The following UBR4 variants were observed in gnomAD, a reference collection of about 807,000 sequenced individuals.
The protein encoded by UBR4 is ubiquitin protein ligase E3 component n-recognin 4.
Under a neutral mutation model 575.6 loss-of-function variants are expected in UBR4, and 124 were observed. The observed-to-expected ratio is 0.22, with a 90% confidence interval of 0.19 to 0.25. UBR4 has a LOEUF of 0.25. Ranked by LOEUF, UBR4 falls within the 10% of genes least tolerant of loss-of-function variation. The pLI is 1.00. For synonymous variants in UBR4, 2,455 were observed against 2,473.7 expected (o/e 0.99, Z 0.22); for missense variants, 4,818 against 6,478.8 (o/e 0.74, Z 8.80).
At chr1:19,151,990 ACTTC>A (rs942181768) in intron 47 of UBR4, 131 bp from the exon 48 acceptor site, 6 of 899,340 alleles carry the variant, frequency 6.7e-6, no homozygotes, top group Non-Finnish European at 9.8e-6. Flanking sequence ...CCTGGTAATG[ACTTC>A]CTTGTTTCTA....
At position 19,110,299 on chromosome 1, in the gene UBR4, A is replaced by G; in HGVS notation, c.11978-76T>C. ...GCTCTGCAGAGGCCGCCCAAGCATC[A>G]GTTTCCCTCCTCCCCTCCCAGTCCG... On this transcript the variant is annotated intron_variant, in intron 80 of 105. Coordinates refer to ENST00000375254, the MANE Select transcript of UBR4 (RefSeq NM_020765.3). This position sits in a 1 kb window ranked among gnomAD's most constrained non-coding sequence, Gnocchi z 4.5. 6.2e-7 allele frequency: 1 copy of G among 1,612,974 alleles called. No homozygotes were observed. Among genetic ancestry groups the G allele is most frequent in the South Asian group, 1.1e-5 (1 of 91,016 alleles).
intron 9 of UBR4, among the ~76,000 whole-genome samples, chr1:19,193,013 C>T (rs1054566010): frequency 6.6e-6 from 1 of 152,126 alleles, no homozygotes; most frequent in Non-Finnish European, 1.5e-5. Context: ...GAACTCCTAA[C>T]CTCAGGTGAT....
intron 64 of UBR4, chr1:19,125,593 C>T (rs977345262): frequency 5.3e-5 from 8 of 152,302 alleles, no homozygotes; most frequent in African/African-American, 1.9e-4. Context: ...ACAAAGGCAA[C>T]ACGCCACACC....
chr1:19,096,628 T>C lies in UBR4; in HGVS notation c.13413A>G (p.Glu4471=), dbSNP rs775063477. 3 of 1,613,510 alleles carry C rather than the reference T, an allele frequency of 1.9e-6. No individual in the cohort carries two copies. The highest frequency in any genetic ancestry group is 1.7e-5 in the Admixed American group (1 of 59,938). Residue 4471 remains glutamate (E), a synonymous_variant, in exon 92 of 106, where the codon GAA becomes GAG. Coordinates refer to ENST00000375254, the MANE Select transcript of UBR4 (RefSeq NM_020765.3). ...STTDEEEDEE[E]VYKMAGVMAQ... is the part of the protein sequence containing the mutation. Reference sequence around the variant, plus strand: ...CCATCACACCAGCCATTTTATACACTTCTTCTTCATCTTCTTCTTCATCTA... The same window carrying C: ...CCATCACACCAGCCATTTTATACACCTCTTCTTCATCTTCTTCTTCATCTA...
intron 1 of UBR4, among the ~76,000 whole-genome samples, chr1:19,205,549 G>C (rs1046052750): frequency 2.6e-5 from 4 of 151,666 alleles, no homozygotes; most frequent in African/African-American, 9.7e-5. Flanking sequence ...TCATACTCTT[G>C]AAAAATCTGT....
intron 60 of UBR4, among the ~76,000 whole-genome samples, chr1:19,137,773 G>A (rs569095926): frequency 6.6e-6 from 1 of 152,274 alleles, no homozygotes; most frequent in African/African-American, 2.4e-5. Context: ...ATATTTAGAG[G>A]AGCCTTAAGA....
intron 1 of UBR4, among the ~76,000 whole-genome samples, chr1:19,209,304 C>G (rs2093183338): frequency 2.0e-5 from 3 of 152,150 alleles, no homozygotes; most frequent in Non-Finnish European, 2.9e-5. Context: ...GCTCTGAGCA[C>G]AGTATGTCAG....
chr1:19,130,423 G>A (rs749917834), intron 60 of UBR4, among the ~76,000 whole-genome samples: 1 of 152,102 alleles, frequency 6.6e-6, no homozygotes, highest in African/African-American at 2.4e-5. Flanking sequence ...TCCTGCCTCA[G>A]GAAGATCACT....
intron 52 of UBR4, chr1:19,146,228 G>T: frequency 1.4e-6 from 1 of 713,554 alleles, no homozygotes. Flanking sequence ...AAAACGTAGA[G>T]GAACATCTGA....
intron 32 of UBR4, 47 bp downstream of exon 32, chr1:19,164,751 TG>T: frequency 4.4e-6 from 7 of 1,599,212 alleles, no homozygotes; most frequent in Non-Finnish European, 6.0e-6. Context: ...AATATCAACG[TG>T]TTTCTGGGGT....
Position 19,110,571 on chromosome 1 carries a change from G to A in UBR4, c.11893-107C>T. Reference sequence around the variant, plus strand: ...CCTAGGTGGCTCCAACAGAGACAAAGGACAGACGGAGACCCTTGTGCTCCA... The same window carrying A: ...CCTAGGTGGCTCCAACAGAGACAAAAGACAGACGGAGACCCTTGTGCTCCA... On this transcript the variant is annotated intron_variant, in intron 79 of 105. Coordinates refer to ENST00000375254, the MANE Select transcript of UBR4 (RefSeq NM_020765.3). This position sits in a 1 kb window ranked among gnomAD's most constrained non-coding sequence, Gnocchi z 4.5. The A allele has an allele frequency of 1.5e-6, 2 of 1,370,494 alleles. No individual in the cohort carries two copies. The allele number at this position is 1,370,494 out of a possible 1,614,324, so 84.9% of individuals were successfully genotyped here.
In UBR4 at chr1:19,126,428, A is replaced by C; in HGVS notation, c.9438+18T>G. On this transcript the variant is annotated intron_variant, in intron 64 of 105. Coordinates refer to ENST00000375254, the MANE Select transcript of UBR4 (RefSeq NM_020765.3). ...TGAACAAAGGACGAGTGTTTCTTTG[A>C]TGAGGGAAAGATCTCACCTTCACAT... 1.2e-6 allele frequency: 2 copies of C among 1,613,946 alleles called. No homozygotes were observed. Among genetic ancestry groups the C allele is most frequent in the Non-Finnish European group, 1.7e-6 (2 of 1,179,824 alleles).
intron 3 of UBR4, 136 bp downstream of exon 3, chr1:19,199,515 A>G: frequency 2.8e-6 from 2 of 717,060 alleles, no homozygotes; most frequent in Non-Finnish European, 2.3e-6. Context: ...AACTAGCTGC[A>G]ACAGATAACA....
chr1:19,166,708 C>A (rs550609891), intron 29 of UBR4, among the ~76,000 whole-genome samples: 2 of 106,498 alleles, frequency 1.9e-5, no homozygotes, highest in Non-Finnish European at 3.5e-5. Flanking sequence ...CAAACTCCAT[C>A]TCTACCAAAA....
intron 34 of UBR4, 102 bp from the exon 35 acceptor site, chr1:19,162,713 G>C: frequency 7.4e-7 from 1 of 1,351,414 alleles, no homozygotes. Context: ...CAGAGAAATG[G>C]TATGAGAGCA....
chr1:19,078,342 C>T (rs985140730), intron 103 of UBR4: 2 of 351,702 alleles, frequency 5.7e-6, no homozygotes, highest in Non-Finnish European at 1.1e-5. Flanking sequence ...CCGGGGGAGA[C>T]ATCGCCAGGG....
rs773668902 is a variant in UBR4 at position 19,146,837 on chromosome 1, T to C, written c.7793A>G (p.Gln2598Arg). The change falls in exon 52 of 106, where the codon CAG (glutamine) becomes CGG (arginine). Residue 2598 changes from glutamine (Q) to arginine (R), a missense_variant. By Grantham distance (43) the Gln-to-Arg change is conservative. Around this residue, in one of 29 missense-constraint regions of UBR4, gnomAD observed 340 missense variants for 375.4 expected, o/e 0.91. Coordinates refer to ENST00000375254, the MANE Select transcript of UBR4 (RefSeq NM_020765.3). ...LVHFTESKLP[Q>R]METEGMDEGK... ...GAGGCCAAGTTCACCTGTTTCCATC[T>C]GGGGCAGCTTTGACTCCGTAAAGTG... The C allele has an allele frequency of 2.5e-6, 4 of 1,613,302 alleles. No homozygotes were observed. The highest frequency in any genetic ancestry group is 3.4e-6 in the Non-Finnish European group (4 of 1,179,488).
intron 105 of UBR4, among the ~76,000 whole-genome samples, chr1:19,076,071 C>T (rs943949393): frequency 3.3e-5 from 5 of 152,138 alleles, no homozygotes; most frequent in African/African-American, 7.2e-5. Context: ...TTCCCAGGCA[C>T]GGGCCAAGTC....
intron 51 of UBR4, among the ~76,000 whole-genome samples, chr1:19,147,707 G>A (rs944570286): frequency 5.3e-5 from 8 of 151,254 alleles, no homozygotes; most frequent in East Asian, 3.8e-4. Context: ...CTTTTCCAGC[G>A]AGAAGGCTAC....
Sources: allele counts gnomAD v4.1 joint callset (sites outside exome capture counted in the v4.1 genomes callset), GRCh38; gene constraint gnomAD v4.1.1; regional missense constraint gnomAD v4.1.1; non-coding constraint Gnocchi (gnomAD v3.1); transcripts MANE v1.5; gene names NCBI Gene and HGNC (gene_info 2026-07-23, HGNC 2026-07-21).